The following ADCY3 variants were observed in gnomAD, a reference collection of about 807,000 sequenced individuals.
The protein encoded by ADCY3 is adenylate cyclase 3, also known as adenylate cyclase type 3.
A neutral mutation model predicts 119.4 loss-of-function variants in ADCY3; 70 were observed. The observed-to-expected ratio is 0.59, with a 90% CI of 0.48 to 0.72. The LOEUF is 0.72. Among genes scored for constraint, ADCY3 ranks in the 30% least tolerant of loss-of-function variants. The probability of loss-of-function intolerance (pLI) is 0.00; values close to 1 mark genes in which losing one functional copy is unlikely to be tolerated. For missense variants in ADCY3, 1,238 were observed against 1,541.6 expected (o/e 0.80, Z 3.30); for synonymous variants, 672 against 621.4 (o/e 1.08, Z -1.21).
intron 7 of ADCY3, 90 bp downstream of exon 7, chr2:24,839,783 C>A: frequency 6.4e-7 from 1 of 1,570,180 alleles, no homozygotes; most frequent in Non-Finnish European, 8.7e-7. Context: ...TCTGAGGCCC[C>A]CTGTCCCTCA....
At chr2:24,903,146 C>T (rs897040828) in intron 2 of ADCY3, among the ~76,000 whole-genome samples, 1 of 131,622 alleles carries the variant, frequency 7.6e-6, no homozygotes, top group Non-Finnish European at 1.6e-5. Flanking sequence ...GAGACTCTAT[C>T]TCCAAAAAAA....
rs1403867281 is a variant in ADCY3, at chr2:24,819,526, G to A, written c.*406C>T. On this transcript the variant is annotated 3_prime_UTR_variant, in exon 22 of 22. Coordinates refer to ENST00000679454, the MANE Select transcript of ADCY3 (RefSeq NM_004036.5). ...GACCTCCCTTCAAAATGGGAGCCAT[G>A]TCCTGCCCCACCAAGCCCTGTCTGA... The A allele has an allele frequency of 1.3e-5, 2 of 159,204 alleles. No individual in the cohort carries two copies. The highest frequency in any genetic ancestry group is 6.3e-5 in the Admixed American group (1 of 15,964). The allele number at this position is 159,204 out of a possible 1,614,324, so 9.9% of individuals were successfully genotyped here. A position where few individuals can be genotyped will look rare whatever the true frequency, so the allele number is the denominator to read the frequency against.
intron 3 of ADCY3, among the ~76,000 whole-genome samples, chr2:24,861,703 C>T (rs1461508069): frequency 1.3e-5 from 2 of 152,226 alleles, no homozygotes; most frequent in Non-Finnish European, 2.9e-5. Context: ...AGAGCCCACG[C>T]CACTCCCAAC....
chr2:24,889,978 C>T (rs1479310556), intron 2 of ADCY3, among the ~76,000 whole-genome samples: 1 of 152,238 alleles, frequency 6.6e-6, no homozygotes, highest in African/African-American at 2.4e-5. Flanking sequence ...GATGCCTTTT[C>T]TCAGGTTGAA....
At position 24,918,871 on chromosome 2, in the gene ADCY3, C is replaced by T. The variant is rs911967193; in HGVS notation, c.117G>A (p.Ser39=). ...ACAGGCAGGAGCCCGAGTTCCGGAC[C>T]GAGATTTCATGGGTCCGGCCCACCC... ...DRGVGRTHEI[S]VRNSGSCLCL... Residue 39 remains serine, a synonymous_variant, in exon 2 of 22, where the codon TCG becomes TCA. Coordinates refer to ENST00000679454, the MANE Select transcript of ADCY3 (RefSeq NM_004036.5). The surrounding 1 kb of genome is among the most constrained non-coding windows in gnomAD (Gnocchi z 5.4). 3 of 1,613,116 alleles carry T rather than the reference C, an allele frequency of 1.9e-6. No individual in the cohort carries two copies. The highest frequency in any genetic ancestry group is 1.3e-5 in the African/African-American group (1 of 75,058).
intron 12 of ADCY3, 21 bp from the exon 13 acceptor site, chr2:24,830,846 A>G: frequency 6.3e-7 from 1 of 1,588,242 alleles, no homozygotes; most frequent in Non-Finnish European, 8.6e-7. Flanking sequence ...CAGAATTTCA[A>G]GGGCCATGAG....
At chr2:24,831,042 C>A (rs544506619) in intron 12 of ADCY3, among the ~76,000 whole-genome samples, 83 of 152,208 alleles carry the variant, frequency 5.5e-4, no homozygotes, top group Non-Finnish European at 1.1e-3. Flanking sequence ...GCCTGTTCAA[C>A]AGCACAGCCT....
chr2:24,880,905 T>C (rs1335244716), intron 2 of ADCY3, among the ~76,000 whole-genome samples: 1 of 151,846 alleles, frequency 6.6e-6, no homozygotes, highest in Non-Finnish European at 1.5e-5. Context: ...ATCCCAGCTA[T>C]TCGGGAGGCT....
At chr2:24,914,803 G>A (rs1372994259) in intron 2 of ADCY3, among the ~76,000 whole-genome samples, 1 of 152,124 alleles carries the variant, frequency 6.6e-6, no homozygotes, top group African/African-American at 2.4e-5. Context: ...CACAGCCTGA[G>A]TGTCAGATGG....
intron 2 of ADCY3, among the ~76,000 whole-genome samples, chr2:24,911,353 C>T (rs1294652616): frequency 6.7e-6 from 1 of 149,810 alleles, no homozygotes; most frequent in Non-Finnish European, 1.5e-5. Context: ...CTGTACAAGA[C>T]ACACACCATC....
rs1054668568 is a variant in ADCY3, at chr2:24,831,537, G to A, written c.2055+125C>T. The A allele has an allele frequency of 1.4e-4, 111 of 773,434 alleles. 2 individuals carry two copies. Among genetic ancestry groups the A allele is most frequent in the South Asian group, 9.4e-4 (59 of 62,816 alleles). The allele number at this position is 773,434 out of a possible 1,614,324, so 47.9% of individuals were successfully genotyped here. On this transcript the variant is annotated intron_variant, in intron 12 of 21. Transcript: ENST00000679454. ...GAATGGATGGGCAAGTGCCTGGACC[G>A]TCCTAACAGAGGAGTGTCTGCCTGT...
At position 24,827,944 on chromosome 2, in the gene ADCY3, G is replaced by A; in HGVS notation, c.2390C>T (p.Pro797Leu). The change falls in exon 14 of 22, where the codon CCC becomes CTC. Residue 797 changes from proline to leucine, a missense_variant. By Grantham distance (98) the Pro-to-Leu change is moderately conservative (BLOSUM62 -3). Transcript: ENST00000679454. The stretch of plus-strand genomic sequence containing the variant: ...CTTGTGGTCGTATTCATCAAAGACG[G>A]GACGCCAGGCATAGAGGTTGATGGT... ...VATINLYAWR[P>L]VFDEYDHKRF... The A allele has an allele frequency of 1.2e-6, 2 of 1,614,202 alleles. No individual in the cohort carries two copies. Among genetic ancestry groups the A allele is most frequent in the Non-Finnish European group, 1.7e-6 (2 of 1,180,040 alleles).
At position 24,838,594 on chromosome 2, in the gene ADCY3, C is replaced by A. The variant is rs764888853; in HGVS notation, c.1384G>T (p.Asp462Tyr). Residue 462 changes from aspartate (D) to tyrosine (Y), a missense_variant, in exon 8 of 22, where the codon GAC (aspartate) becomes TAC (tyrosine). Around this residue, in one of 7 missense-constraint regions of ADCY3, gnomAD observed 283 missense variants for 437.2 expected, o/e 0.65. Transcript: ENST00000679454. ...ACATCAAACTCCCCTTTCAGGCAGTCCATGGTGCTCTGGGAGATGTGCACG... is the reference window on the plus strand; with the variant it reads ...ACATCAAACTCCCCTTTCAGGCAGTACATGGTGCTCTGGGAGATGTGCACG... ...GRVHISQSTM[D>Y]CLKGEFDVEP... The A allele has an allele frequency of 6.2e-7, 1 of 1,613,976 alleles. No individual in the cohort carries two copies. Among genetic ancestry groups the A allele is most frequent in the African/African-American group, 1.3e-5 (1 of 74,938 alleles).
intron 2 of ADCY3, among the ~76,000 whole-genome samples, chr2:24,884,471 CTTTTTT>C (rs1201387570): frequency 2.0e-5 from 2 of 97,860 alleles, no homozygotes; most frequent in African/African-American, 4.9e-5. Flanking sequence ...TTCTAATAAT[CTTTTTT>C]TTTTTTTTTT....
chr2:24,830,261 G>A (rs1355823053), intron 13 of ADCY3, among the ~76,000 whole-genome samples: 5 of 151,580 alleles, frequency 3.3e-5, no homozygotes, highest in African/African-American at 1.2e-4. Context: ...GGCTGGTTTC[G>A]AACTCCTGAC....
intron 3 of ADCY3, among the ~76,000 whole-genome samples, chr2:24,871,514 G>A (rs913108922): frequency 1.3e-5 from 2 of 152,224 alleles, no homozygotes; most frequent in South Asian, 2.1e-4. Flanking sequence ...TGTGTGCCTC[G>A]GAACAGCACT....
At chr2:24,820,414 C>G in intron 21 of ADCY3, 1 of 1,325,854 alleles carries the variant, frequency 7.5e-7, no homozygotes, top group Non-Finnish European at 9.6e-7. Context: ...CTCTTCTGTC[C>G]CTTTGCCCCT....
At chr2:24,890,092 TG>T (rs745932602) in intron 2 of ADCY3, among the ~76,000 whole-genome samples, 13 of 152,208 alleles carry the variant, frequency 8.5e-5, no homozygotes, top group Non-Finnish European at 1.2e-4. Context: ...GATGATCTTA[TG>T]GGTTTTCCTT....
intron 2 of ADCY3, among the ~76,000 whole-genome samples, chr2:24,902,081 GT>G (rs1327235990): frequency 0.074 from 7,064 of 95,920 alleles, 229 homozygotes; most frequent in Non-Finnish European, 0.1. Context: ...TGTGTATTTG[GT>G]TTTTTTTTTT....
Sources: allele counts gnomAD v4.1 joint callset (sites outside exome capture counted in the v4.1 genomes callset), GRCh38; gene constraint gnomAD v4.1.1; regional missense constraint gnomAD v4.1.1; non-coding constraint Gnocchi (gnomAD v3.1); transcripts MANE v1.5; gene names NCBI Gene and HGNC (gene_info 2026-07-23, HGNC 2026-07-21).